ZFAND3: variants seen among roughly 807,000 people sequenced by gnomAD.
The protein encoded by ZFAND3 is zinc finger AN1-type containing 3.
Under a neutral mutation model 29.6 loss-of-function variants are expected in ZFAND3, and 10 were observed. That is an observed-to-expected ratio of 0.34 (90% CI 0.21 to 0.57). The LOEUF (loss-of-function observed/expected upper bound fraction) is 0.57, where lower values mean the gene tolerates loss of function less well. ZFAND3 is among the 20% of genes least tolerant of loss of function. ZFAND3 has a pLI of 0.86. For missense variants in ZFAND3, 230 were observed against 304.5 expected (o/e 0.76, Z 1.82); for synonymous variants, 128 against 112.6 (o/e 1.14, Z -0.87).
At chr6:37,990,372 C>G (rs1269854288) in intron 2 of ZFAND3, among the ~76,000 whole-genome samples, 1 of 152,064 alleles carries the variant, frequency 6.6e-6, no homozygotes, top group Non-Finnish European at 1.5e-5. Context: ...AGTTTGCTTT[C>G]TTTGAACCCA....
At chr6:38,000,885 G>A (rs1257302338) in intron 2 of ZFAND3, among the ~76,000 whole-genome samples, 1 of 152,120 alleles carries the variant, frequency 6.6e-6, no homozygotes, top group African/African-American at 2.4e-5. Context: ...ATTTGGGTGG[G>A]GACACAACCA....
At chr6:37,992,225 G>C (rs1376958819) in intron 2 of ZFAND3, among the ~76,000 whole-genome samples, 1 of 152,066 alleles carries the variant, frequency 6.6e-6, no homozygotes, top group Non-Finnish European at 1.5e-5. Context: ...ACAAAAAAAG[G>C]AATTTTTTGT....
chr6:38,076,085 C>T (rs1764548478), intron 3 of ZFAND3, among the ~76,000 whole-genome samples: 1 of 151,980 alleles, frequency 6.6e-6, no homozygotes, highest in Non-Finnish European at 1.5e-5. Context: ...GCTGCACCTA[C>T]CCCATTTTTC....
intron 1 of ZFAND3, among the ~76,000 whole-genome samples, chr6:37,823,694 A>G (rs1175709657): frequency 1.3e-5 from 2 of 152,196 alleles, no homozygotes; most frequent in Admixed American, 1.3e-4. Flanking sequence ...TATAGAGGCC[A>G]TCTCCACTGG....
chr6:37,999,774 G>A (rs1762912507), intron 2 of ZFAND3, among the ~76,000 whole-genome samples: 1 of 152,186 alleles, frequency 6.6e-6, no homozygotes, highest in Non-Finnish European at 1.5e-5. Flanking sequence ...TGTCCTGGAT[G>A]AGATCCTGGA....
chr6:37,908,556 A>G lies in ZFAND3; in HGVS notation c.72-21403A>G, dbSNP rs1443237247. ...AAAAAAAAAATTAAAAAAAAAAAAA[A>G]AAAGAAAAAAAAGAAAATAATTAGG... On this transcript the variant is annotated intron_variant, in intron 1 of 5. Transcript: ENST00000287218. 1.5e-4 allele frequency among the ~76,000 whole-genome samples: 23 copies of G among 149,344 alleles called. No individual in the cohort carries two copies. In the East Asian group the frequency reaches 3.9e-3, roughly 25 times the overall value.
intron 1 of ZFAND3, among the ~76,000 whole-genome samples, chr6:37,902,389 C>T (rs922940863): frequency 6.6e-6 from 1 of 152,092 alleles, no homozygotes; most frequent in Non-Finnish European, 1.5e-5. Context: ...ATTGCTTGAG[C>T]CCAAGAGGTT....
intron 1 of ZFAND3, among the ~76,000 whole-genome samples, chr6:37,887,727 C>A (rs1267232119): frequency 6.6e-6 from 1 of 152,210 alleles, no homozygotes; most frequent in Non-Finnish European, 1.5e-5. Context: ...ATTTAGCCAA[C>A]AAGAGTTAAT....
intron 2 of ZFAND3, among the ~76,000 whole-genome samples, chr6:38,010,362 C>T (rs1211174090): frequency 6.6e-6 from 1 of 152,112 alleles, no homozygotes; most frequent in Non-Finnish European, 1.5e-5. Flanking sequence ...TCCCCCCTTA[C>T]CATCCTTCTA....
At chr6:37,971,527 T>C (rs914375429) in intron 2 of ZFAND3, among the ~76,000 whole-genome samples, 1 of 152,218 alleles carries the variant, frequency 6.6e-6, no homozygotes, top group Admixed American at 6.5e-5. Flanking sequence ...TTCATTCTAG[T>C]CAGCAGTCTC....
intron 2 of ZFAND3, among the ~76,000 whole-genome samples, chr6:38,018,325 A>G (rs1277631076): frequency 4.6e-5 from 7 of 152,190 alleles, no homozygotes; most frequent in African/African-American, 1.4e-4. Flanking sequence ...TTGTTTTGTA[A>G]TATATCACAA....
chr6:38,019,483 A>T (rs764311122), intron 2 of ZFAND3, among the ~76,000 whole-genome samples: 2 of 151,746 alleles, frequency 1.3e-5, no homozygotes, highest in Non-Finnish European at 2.9e-5. Context: ...ATTTTCTCCA[A>T]CAATTTGTCA....
intron 1 of ZFAND3, among the ~76,000 whole-genome samples, chr6:37,888,396 A>G (rs539255020): frequency 1.3e-5 from 2 of 151,512 alleles, no homozygotes; most frequent in African/African-American, 2.4e-5. Context: ...AACATCTGAA[A>G]TGTAGTTGCA....
intron 2 of ZFAND3, among the ~76,000 whole-genome samples, chr6:37,992,437 A>G (rs1762774934): frequency 6.6e-6 from 1 of 152,180 alleles, no homozygotes; most frequent in Admixed American, 6.5e-5. Context: ...AAAACACTAG[A>G]ACAGTGAATT....
rs114316089 is a variant in ZFAND3 at position 38,035,875 on chromosome 6, G to T, written c.113-25718G>T. On this transcript the variant is annotated intron_variant, in intron 2 of 5. Transcript: ENST00000287218. Reference sequence around the variant, plus strand: ...TTAAAGCAAAACATTTAAAGTCTCTGGAAATTGTCCTAAGGGCACACAGCA... The same window carrying T: ...TTAAAGCAAAACATTTAAAGTCTCTTGAAATTGTCCTAAGGGCACACAGCA... 3.1e-3 allele frequency among the ~76,000 whole-genome samples: 469 copies of T among 152,240 alleles called. 3 individuals are homozygous for T. Among genetic ancestry groups the T allele is most frequent in the African/African-American group, 0.011 (446 of 41,542 alleles).
intron 1 of ZFAND3, among the ~76,000 whole-genome samples, chr6:37,857,126 A>G (rs559308650): frequency 6.6e-6 from 1 of 152,212 alleles, no homozygotes; most frequent in African/African-American, 2.4e-5. Flanking sequence ...TTTTGTAGAG[A>G]TGGGGTTTCA....
At chr6:38,047,547 T>A (rs1312229060) in intron 2 of ZFAND3, among the ~76,000 whole-genome samples, 1 of 152,214 alleles carries the variant, frequency 6.6e-6, no homozygotes, top group Non-Finnish European at 1.5e-5. Flanking sequence ...CCCAGATTAT[T>A]GTCCCCACAT....
chr6:38,016,961 C>G (rs1399783592), intron 2 of ZFAND3, among the ~76,000 whole-genome samples: 1 of 152,178 alleles, frequency 6.6e-6, no homozygotes, highest in Non-Finnish European at 1.5e-5. Flanking sequence ...TAGATGACCT[C>G]TCTCCCCCAA....
At chr6:37,908,795 G>A (rs905191244) in intron 1 of ZFAND3, among the ~76,000 whole-genome samples, 4 of 150,430 alleles carry the variant, frequency 2.7e-5, no homozygotes, top group Non-Finnish European at 5.9e-5. Context: ...GGTACTGAAT[G>A]CCAGATTCTA....
Sources: allele counts gnomAD v4.1 joint callset (sites outside exome capture counted in the v4.1 genomes callset), GRCh38; gene constraint gnomAD v4.1.1; transcripts MANE v1.5; gene names NCBI Gene and HGNC (gene_info 2026-07-23, HGNC 2026-07-21).